ECE1: variants seen among roughly 807,000 people sequenced by gnomAD.
ECE1 encodes endothelin-converting enzyme 1.
A neutral mutation model predicts 98.6 loss-of-function variants in ECE1; 35 were observed. That is an observed-to-expected ratio of 0.35 (90% CI 0.27 to 0.47). ECE1 has a LOEUF of 0.47. Ranked by LOEUF, ECE1 falls within the 20% of genes least tolerant of loss-of-function variation. The pLI, the probability that ECE1 is intolerant of heterozygous loss-of-function variation, is 1.00. For missense variants in ECE1, 814 were observed against 1,025.3 expected, an observed-to-expected ratio of 0.79 and a Z score of 2.81; for synonymous variants, 394 against 407.1, an observed-to-expected ratio of 0.97 and a Z score of 0.39.
chr1:21,276,322 G>C (rs112697357), intron 3 of ECE1, among the ~76,000 whole-genome samples: 3 of 152,092 alleles, frequency 2.0e-5, no homozygotes, highest in Admixed American at 6.6e-5. Flanking sequence ...CACTGCGCCC[G>C]GCCTCAATAC....
chr1:21,238,269 C>CA, intron 10 of ECE1, 25 bp from the exon 11 acceptor site: 1 of 1,583,660 alleles, frequency 6.3e-7, no homozygotes, highest in Non-Finnish European at 8.7e-7. Flanking sequence ...TCAGGGGGCT[C>CA]GCTGGGCCCC....
chr1:21,289,942 A>C lies in ECE1; in HGVS notation c.138+128T>G, dbSNP rs2098264692. On this transcript the variant is annotated intron_variant, in intron 2 of 18. Coordinates refer to ENST00000374893, the MANE Select transcript of ECE1 (RefSeq NM_001397.3). The stretch of plus-strand genomic sequence containing the variant: ...TGCGGGGAGGCGCGGCCCCTCCCGG[A>C]TGCCGGGACGAGGGAGGGGAAGGGA... The C allele has an allele frequency of 1.5e-5, 17 of 1,131,066 alleles. No homozygotes were observed. The East Asian group carries it at 5.5e-4, about 37-fold the overall frequency. The allele number at this position is 1,131,066 out of a possible 1,614,324, so 70.1% of individuals were successfully genotyped here. A position where few individuals can be genotyped will look rare whatever the true frequency, so the allele number is the denominator to read the frequency against.
At chr1:21,328,606 A>G (rs1639131725) in intron 1 of ECE1, among the ~76,000 whole-genome samples, 1 of 152,078 alleles carries the variant, frequency 6.6e-6, no homozygotes, top group African/African-American at 2.4e-5. Flanking sequence ...TACTAAGAAT[A>G]CAAAAAATTA....
chr1:21,317,423 G>T, intron 1 of ECE1, among the ~76,000 whole-genome samples: 1 of 152,216 alleles, frequency 6.6e-6, no homozygotes, highest in Admixed American at 6.5e-5. Flanking sequence ...AGGCCAGCTC[G>T]CAGGCCTCAG....
intron 1 of ECE1, among the ~76,000 whole-genome samples, chr1:21,300,674 GA>G (rs781058004): frequency 8.5e-5 from 13 of 152,176 alleles, no homozygotes; most frequent in Non-Finnish European, 1.3e-4. Context: ...GACCTCAAGT[GA>G]TCTGCCCGCC....
intron 1 of ECE1, among the ~76,000 whole-genome samples, chr1:21,306,261 A>G (rs1313848408): frequency 6.6e-6 from 1 of 152,178 alleles, no homozygotes; most frequent in African/African-American, 2.4e-5. Flanking sequence ...AAGAGTCGCA[A>G]TATTAACAAT....
At chr1:21,315,050 A>T (rs1490865287) in intron 1 of ECE1, among the ~76,000 whole-genome samples, 2 of 152,154 alleles carry the variant, frequency 1.3e-5, no homozygotes, top group African/African-American at 4.8e-5. Context: ...CCTCCCTTGT[A>T]CTGTAATTAA....
At chr1:21,239,041 C>T (rs572451475) in intron 10 of ECE1, among the ~76,000 whole-genome samples, 1 of 151,674 alleles carries the variant, frequency 6.6e-6, no homozygotes, top group South Asian at 2.1e-4. Flanking sequence ...CTATGTTGCC[C>T]AGGCTGGTCT....
intron 8 of ECE1, among the ~76,000 whole-genome samples, chr1:21,249,550 T>G (rs2103268235): frequency 6.6e-6 from 1 of 152,074 alleles, no homozygotes; most frequent in East Asian, 1.9e-4. Context: ...AATTTAAAAC[T>G]TAGCTAGGCA....
intron 1 of ECE1, among the ~76,000 whole-genome samples, chr1:21,320,774 T>C (rs1042703693): frequency 1.3e-5 from 2 of 152,192 alleles, no homozygotes; most frequent in Non-Finnish European, 2.9e-5. Context: ...CACCCTTCCT[T>C]CATTCTGCGG....
At chr1:21,325,612 T>A (rs1356565053) in intron 1 of ECE1, among the ~76,000 whole-genome samples, 1 of 152,178 alleles carries the variant, frequency 6.6e-6, no homozygotes, top group Non-Finnish European at 1.5e-5. Flanking sequence ...CTTGGCCGAG[T>A]CACCTCACCT....
At chr1:21,274,525 C>T (rs1052417979) in intron 3 of ECE1, among the ~76,000 whole-genome samples, 3 of 152,272 alleles carry the variant, frequency 2.0e-5, no homozygotes, top group South Asian at 4.1e-4. Context: ...TGATGATGGC[C>T]ATGGCTGGGC....
At chr1:21,308,047 G>A (rs1271495696) in intron 1 of ECE1, among the ~76,000 whole-genome samples, 3 of 152,098 alleles carry the variant, frequency 2.0e-5, no homozygotes, top group African/African-American at 7.2e-5. Context: ...AACCATGAAC[G>A]AGCTTGCTCC....
chr1:21,238,886 C>T (rs992810813), intron 10 of ECE1, among the ~76,000 whole-genome samples: 6 of 152,126 alleles, frequency 3.9e-5, no homozygotes, highest in African/African-American at 1.4e-4. Context: ...GATCACACAG[C>T]TCACTGCAGC....
intron 10 of ECE1, among the ~76,000 whole-genome samples, chr1:21,241,039 G>A (rs957288481): frequency 7.2e-5 from 11 of 152,254 alleles, no homozygotes; most frequent in Non-Finnish European, 1.5e-4. Context: ...AACATCCAGT[G>A]AGAGAAACAG....
chr1:21,297,333 C>T (rs1237645221), intron 1 of ECE1, among the ~76,000 whole-genome samples: 1 of 152,128 alleles, frequency 6.6e-6, no homozygotes, highest in East Asian at 1.9e-4. Context: ...CTGATACAGG[C>T]CACTGACCTG....
chr1:21,249,435 C>T (rs1451103765), intron 8 of ECE1, among the ~76,000 whole-genome samples: 3 of 151,814 alleles, frequency 2.0e-5, no homozygotes, highest in Non-Finnish European at 4.4e-5. Flanking sequence ...GTGACTCATG[C>T]CTGTAATCCC....
intron 2 of ECE1, among the ~76,000 whole-genome samples, chr1:21,283,396 G>A (rs755320970): frequency 6.6e-6 from 1 of 151,538 alleles, no homozygotes; most frequent in African/African-American, 2.4e-5. Flanking sequence ...TCAGCGTCCC[G>A]AGTAGCTGGG....
At chr1:21,344,325 G>C (rs1199254710) in intron 1 of ECE1, among the ~76,000 whole-genome samples, 1 of 152,194 alleles carries the variant, frequency 6.6e-6, no homozygotes, top group Non-Finnish European at 1.5e-5. Context: ...GGAGGGGCTG[G>C]ATCACAGGTA....
Sources: gnomAD v4.1 joint callset for allele counts (sites outside exome capture counted in the v4.1 genomes callset) on GRCh38, gnomAD v4.1.1 for gene constraint, MANE v1.5 for transcripts, NCBI Gene and HGNC (gene_info 2026-07-23, HGNC 2026-07-21) for gene names.